ELMOD1: variants seen among roughly 807,000 people sequenced by gnomAD.
ELMOD1 encodes the protein ELMO domain-containing protein 1.
ELMOD1 carries 21 observed loss-of-function variants against 46.7 expected under a neutral mutation model. That is an observed-to-expected ratio of 0.45 (90% CI 0.32 to 0.65). ELMOD1 has a LOEUF of 0.65. Among genes scored for constraint, ELMOD1 ranks in the 30% least tolerant of loss-of-function variants. The pLI is 0.04. For missense variants in ELMOD1, 348 were observed against 407.8 expected (o/e 0.85, Z 1.26); for synonymous variants, 122 against 138.2 (o/e 0.88, Z 0.82).
At chr11:107,593,611 G>T (rs1865442813) in intron 1 of ELMOD1, among the ~76,000 whole-genome samples, 1 of 152,192 alleles carries the variant, frequency 6.6e-6, no homozygotes, top group African/African-American at 2.4e-5. Flanking sequence ...AGTCCTCTGA[G>T]AATTTTTAAC....
intron 6 of ELMOD1, chr11:107,643,571 C>A (rs2135702129): frequency 1.9e-6 from 1 of 519,374 alleles, no homozygotes; most frequent in Non-Finnish European, 3.9e-6. Flanking sequence ...ACAAAGAAAA[C>A]TCCATTGTTC....
chr11:107,649,623 A>G (rs1433791341), intron 7 of ELMOD1, among the ~76,000 whole-genome samples: 1 of 152,220 alleles, frequency 6.6e-6, no homozygotes, highest in Non-Finnish European at 1.5e-5. Flanking sequence ...TATGTGCATT[A>G]CAATTGCTGA....
At chr11:107,597,976 G>A (rs1865522050) in intron 1 of ELMOD1, among the ~76,000 whole-genome samples, 1 of 152,160 alleles carries the variant, frequency 6.6e-6, no homozygotes, top group Admixed American at 6.5e-5. Flanking sequence ...AGATGAACAT[G>A]TGTTTGTTCT....
intron 1 of ELMOD1, among the ~76,000 whole-genome samples, chr11:107,608,809 A>G (rs1865730167): frequency 6.6e-6 from 1 of 152,200 alleles, no homozygotes; most frequent in Non-Finnish European, 1.5e-5. Flanking sequence ...GGTAGCTCCC[A>G]GAGGAACACT....
chr11:107,625,448 CA>C, intron 2 of ELMOD1: 1 of 985,262 alleles, frequency 1.0e-6, no homozygotes, highest in Non-Finnish European at 1.2e-6. Context: ...TGAAACTGTT[CA>C]AAATAAGCCA....
At chr11:107,641,504 C>T (rs1297361730) in intron 6 of ELMOD1, among the ~76,000 whole-genome samples, 3 of 152,040 alleles carry the variant, frequency 2.0e-5, no homozygotes, top group African/African-American at 7.2e-5. Context: ...TATAAACAGG[C>T]ATAAGCCACC....
intron 2 of ELMOD1, 74 bp downstream of exon 2, chr11:107,618,280 C>T (rs1489483412): frequency 1.4e-6 from 2 of 1,480,410 alleles, no homozygotes; most frequent in South Asian, 1.2e-5. Flanking sequence ...GTAATATTAC[C>T]AGTCATCGTT....
rs367873215 is a variant in ELMOD1, at chr11:107,647,461, C to T, written c.421-7C>T. On this transcript the variant is annotated splice_region_variant and splice_polypyrimidine_tract_variant and intron_variant, in intron 6 of 11. Coordinates refer to ENST00000265840, the MANE Select transcript of ELMOD1 (RefSeq NM_018712.4). The stretch of plus-strand genomic sequence containing the variant: ...CAACAGAGTAATCCTTTTTTTTTTT[C>T]CTACAGTTATGGAAATTCTTGAAGC... 258 of 1,578,026 alleles carry T rather than the reference C, an allele frequency of 1.6e-4. No homozygotes were observed. The African/African-American group carries it at 2.3e-3, about 14-fold the overall frequency.
chr11:107,646,061 T>C (rs1206804738), intron 6 of ELMOD1, among the ~76,000 whole-genome samples: 1 of 152,234 alleles, frequency 6.6e-6, no homozygotes, highest in Admixed American at 6.5e-5. Flanking sequence ...TTTGTGTTTA[T>C]ACCCTGTCGG....
At chr11:107,658,410 T>A (rs892689502) in intron 11 of ELMOD1, among the ~76,000 whole-genome samples, 4 of 152,216 alleles carry the variant, frequency 2.6e-5, no homozygotes, top group African/African-American at 9.6e-5. Context: ...AGCTCCTGCT[T>A]TGATAATTGG....
chr11:107,633,659 C>G (rs1490913749), intron 5 of ELMOD1, among the ~76,000 whole-genome samples: 1 of 152,176 alleles, frequency 6.6e-6, no homozygotes, highest in Non-Finnish European at 1.5e-5. Flanking sequence ...TCTCAAACCC[C>G]TGACCTCGTG....
chr11:107,644,251 A>G (rs1866377635), intron 6 of ELMOD1, among the ~76,000 whole-genome samples: 1 of 151,814 alleles, frequency 6.6e-6, no homozygotes, highest in African/African-American at 2.4e-5. Context: ...AGCTGAGATC[A>G]TGCCACTACA....
chr11:107,599,877 C>A lies in ELMOD1; in HGVS notation c.-86+8468C>A, dbSNP rs554927900. 4.0e-5 allele frequency among the ~76,000 whole-genome samples: 6 copies of A among 151,370 alleles called. No homozygotes were observed. In the East Asian group the frequency reaches 5.8e-4, roughly 15 times the overall value. On this transcript the variant is annotated intron_variant, in intron 1 of 11. Coordinates refer to ENST00000265840, the MANE Select transcript of ELMOD1 (RefSeq NM_018712.4). Reference sequence around the variant, plus strand: ...TTATAGAAATAATATGGGTTAGATACCAAATTCCTTTTCATTGTTGTTTCA... The same window carrying A: ...TTATAGAAATAATATGGGTTAGATAACAAATTCCTTTTCATTGTTGTTTCA...
rs368944535 is a variant in ELMOD1, at chr11:107,595,237, TATA to T, written c.-86+3833_-86+3835del. Reference sequence around the variant, plus strand: ...TGTGGTTAAATTTCCACTTCAATTTTATAATAAGGTCTTAAAATTATAAAAATT... The same window carrying T: ...TGTGGTTAAATTTCCACTTCAATTTTATAAGGTCTTAAAATTATAAAAATT... On this transcript the variant is annotated intron_variant, in intron 1 of 11. Coordinates refer to ENST00000265840, the MANE Select transcript of ELMOD1 (RefSeq NM_018712.4). 2.8e-3 allele frequency among the ~76,000 whole-genome samples: 419 copies of T among 152,246 alleles called. 1 individual carries two copies. The highest frequency in any genetic ancestry group is 9.8e-3 in the African/African-American group (409 of 41,568).
intron 1 of ELMOD1, among the ~76,000 whole-genome samples, chr11:107,601,477 A>G (rs910362694): frequency 1.4e-5 from 2 of 141,790 alleles, no homozygotes; most frequent in East Asian, 2.1e-4. Context: ...GTGCAGTGGC[A>G]TGATCTTGGC....
intron 6 of ELMOD1, among the ~76,000 whole-genome samples, chr11:107,644,914 G>C (rs7932767): frequency 7.4e-6 from 1 of 134,696 alleles, no homozygotes; most frequent in Non-Finnish European, 1.6e-5. Context: ...AAGGGTTTTT[G>C]TTTTTGTTTT....
chr11:107,646,229 TA>T (rs986029145), intron 6 of ELMOD1, among the ~76,000 whole-genome samples: 3 of 152,156 alleles, frequency 2.0e-5, no homozygotes, highest in African/African-American at 7.2e-5. Context: ...AACTAAAAAA[TA>T]GAACCAGCTT....
chr11:107,664,065 A>G (rs1866793262), intron 11 of ELMOD1, among the ~76,000 whole-genome samples: 1 of 152,140 alleles, frequency 6.6e-6, no homozygotes, highest in African/African-American at 2.4e-5. Context: ...AGCTCATTGC[A>G]GCCTCGACCT....
At chr11:107,593,031 AG>A (rs1865430579) in intron 1 of ELMOD1, 1 of 152,666 alleles carries the variant, frequency 6.6e-6, no homozygotes. Context: ...TAATCTTGCC[AG>A]CCCATGCACA....
Sources: gnomAD v4.1 joint callset for allele counts (sites outside exome capture counted in the v4.1 genomes callset) on GRCh38, gnomAD v4.1.1 for gene constraint, MANE v1.5 for transcripts, NCBI Gene and HGNC (gene_info 2026-07-23, HGNC 2026-07-21) for gene names.